CCDC171: variants seen among roughly 807,000 people sequenced by gnomAD.
CCDC171 encodes the protein coiled-coil domain-containing protein 171.
In CCDC171, 177 loss-of-function variants were observed where a neutral mutation model predicts 168.2. The ratio of observed to expected loss-of-function variants is 1.05; its 90% CI spans 0.93 to 1.19. The LOEUF is 1.19. Ranked by LOEUF, CCDC171 falls within the 50% of genes most tolerant of loss-of-function variation. The probability of loss-of-function intolerance (pLI) is 0.00; values close to 1 mark genes in which losing one functional copy is unlikely to be tolerated. For synonymous variants in CCDC171, 687 were observed against 540.8 expected, an observed-to-expected ratio of 1.27 and a Z score of -3.75; for missense variants, 1,991 against 1,539.0, an observed-to-expected ratio of 1.29 and a Z score of -4.91.
chr9:15,761,929 T>A (rs1172406213), intron 18 of CCDC171, among the ~76,000 whole-genome samples: 1 of 152,188 alleles, frequency 6.6e-6, no homozygotes, highest in Non-Finnish European at 1.5e-5. Flanking sequence ...AAATTGAAAT[T>A]TTATTTGCCT....
intron 18 of CCDC171, among the ~76,000 whole-genome samples, chr9:15,759,078 A>T (rs770023627): frequency 6.6e-6 from 1 of 151,966 alleles, no homozygotes; most frequent in Non-Finnish European, 1.5e-5. Flanking sequence ...TTAACATTTG[A>T]ATATGTTCTT....
intron 21 of CCDC171, among the ~76,000 whole-genome samples, chr9:15,842,235 A>G (rs1214049250): frequency 6.6e-6 from 1 of 152,014 alleles, no homozygotes; most frequent in African/African-American, 2.4e-5. Context: ...ACAAAAGAAA[A>G]TCTATAAAAG....
At chr9:15,772,427 A>C (rs2057062543) in intron 18 of CCDC171, among the ~76,000 whole-genome samples, 1 of 151,944 alleles carries the variant, frequency 6.6e-6, no homozygotes, top group Non-Finnish European at 1.5e-5. Flanking sequence ...CAAACATCTT[A>C]CTATAGTGTT....
At chr9:15,918,702 AT>A (rs1374368862) in intron 24 of CCDC171, among the ~76,000 whole-genome samples, 1 of 151,596 alleles carries the variant, frequency 6.6e-6, no homozygotes, top group African/African-American at 2.4e-5. Flanking sequence ...TGGTTAATAA[AT>A]TAACATTTGT....
chr9:15,952,429 G>C (rs773418666), intron 25 of CCDC171, among the ~76,000 whole-genome samples: 6 of 151,982 alleles, frequency 3.9e-5, no homozygotes, highest in Admixed American at 6.6e-5. Flanking sequence ...ACAGAGTCTC[G>C]CTGTGTTTCC....
At chr9:15,571,013 T>C (rs2040180735) in intron 2 of CCDC171, among the ~76,000 whole-genome samples, 1 of 152,196 alleles carries the variant, frequency 6.6e-6, no homozygotes, top group Non-Finnish European at 1.5e-5. Context: ...ATAATTCTCC[T>C]GTTTTCTGCT....
intron 16 of CCDC171, among the ~76,000 whole-genome samples, chr9:15,734,515 G>T (rs1259248913): frequency 2.0e-5 from 3 of 152,068 alleles, no homozygotes; most frequent in African/African-American, 7.2e-5. Context: ...TCCAGCCTGG[G>T]CGAAACTCCA....
intron 23 of CCDC171, among the ~76,000 whole-genome samples, chr9:15,852,687 C>T (rs566291807): frequency 3.6e-4 from 54 of 151,748 alleles, no homozygotes; most frequent in African/African-American, 1.3e-3. Flanking sequence ...CCTCTGTTTT[C>T]TTCTAAGAAT....
intron 1 of CCDC171, among the ~76,000 whole-genome samples, chr9:15,556,532 T>C (rs2038813385): frequency 6.6e-6 from 1 of 152,224 alleles, no homozygotes; most frequent in South Asian, 2.1e-4. Flanking sequence ...GCTGCATAAA[T>C]ATATTCTTTT....
intron 21 of CCDC171, among the ~76,000 whole-genome samples, chr9:15,813,657 G>A (rs573451671): frequency 6.6e-6 from 1 of 151,564 alleles, no homozygotes; most frequent in Non-Finnish European, 1.5e-5. Context: ...TGTTAATATT[G>A]TATATTGTGT....
In CCDC171 at chr9:15,768,117, C is replaced by T. The variant is rs1431467977; in HGVS notation, c.2672-9483C>T. ...TTATTTACCATCTATGTGCTGATGG[C>T]TCCCAAATATTATCTGTAACCTAGA... On this transcript the variant is annotated intron_variant, in intron 18 of 25. Coordinates refer to ENST00000380701, the MANE Select transcript of CCDC171 (RefSeq NM_173550.4). 3.3e-5 allele frequency among the ~76,000 whole-genome samples: 5 copies of T among 150,614 alleles called. No individual in the cohort carries two copies. The East Asian group carries it at 9.9e-4, about 30-fold the overall frequency.
At chr9:16,103,720 G>T in the CCDC171 span, among the ~76,000 whole-genome samples, 1 of 152,164 alleles carries the variant, frequency 6.6e-6, no homozygotes, top group Non-Finnish European at 1.5e-5. Context: ...AAACAGATCC[G>T]AGGTCTCTGC....
intron 21 of CCDC171, among the ~76,000 whole-genome samples, chr9:15,803,226 A>G (rs1343855163): frequency 6.6e-6 from 1 of 152,078 alleles, no homozygotes; most frequent in Non-Finnish European, 1.5e-5. Context: ...TACTCCATTG[A>G]TAGTTTCTTT....
chr9:16,025,117 C>A (rs537920953), intron 6 of CCDC171, among the ~76,000 whole-genome samples: 199 of 152,226 alleles, frequency 1.3e-3, no homozygotes, highest in African/African-American at 4.6e-3. Flanking sequence ...AGGGTATGCC[C>A]CAAATAACTG....
intron 25 of CCDC171, among the ~76,000 whole-genome samples, chr9:15,925,544 G>C (rs957586025): frequency 2.0e-5 from 3 of 151,600 alleles, no homozygotes; most frequent in Non-Finnish European, 4.4e-5. Flanking sequence ...AATGAGCTCA[G>C]ATTTGCATTT....
In CCDC171 at chr9:15,695,222, T is replaced by G. The variant is rs754432033; in HGVS notation, c.1216-13T>G. On this transcript the variant is annotated splice_polypyrimidine_tract_variant and intron_variant, in intron 10 of 25. Coordinates refer to ENST00000380701, the MANE Select transcript of CCDC171 (RefSeq NM_173550.4). ...TACGTGACCTTATGTGTAATTTTTTTCTTAATTAAAAGGCTAAGAAGCACC... is the reference window on the plus strand; with the variant it reads ...TACGTGACCTTATGTGTAATTTTTTGCTTAATTAAAAGGCTAAGAAGCACC... 2.5e-6 allele frequency: 4 copies of G among 1,597,214 alleles called. No homozygotes were observed. Among genetic ancestry groups the G allele is most frequent in the Non-Finnish European group, 3.4e-6 (4 of 1,164,856 alleles).
At chr9:15,626,891 G>C (rs2045174781) in intron 7 of CCDC171, among the ~76,000 whole-genome samples, 1 of 152,172 alleles carries the variant, frequency 6.6e-6, no homozygotes. Flanking sequence ...AGAAGGAATG[G>C]TACCAGCTCC....
At chr9:15,826,603 A>G in intron 21 of CCDC171, among the ~76,000 whole-genome samples, 1 of 152,188 alleles carries the variant, frequency 6.6e-6, no homozygotes, top group Non-Finnish European at 1.5e-5. Context: ...CCTGGGTCAC[A>G]TCGTGAACTA....
In CCDC171 at chr9:15,591,576, G is replaced by A; in HGVS notation, c.543+20G>A. 1 of 1,323,022 alleles carries A rather than the reference G, an allele frequency of 7.6e-7. No individual in the cohort carries two copies. The highest frequency in any genetic ancestry group is 1.1e-6 in the Non-Finnish European group (1 of 948,146). 82.0% of individuals were successfully genotyped at this position (1,323,022 alleles called of 1,614,324 possible). A position where few individuals can be genotyped will look rare whatever the true frequency, so the allele number is the denominator to read the frequency against. ...CTACAGGTAAAATAGTTTTTATAAA[G>A]GAATTTTCCGATATGTAATATTCAC... On this transcript the variant is annotated intron_variant, in intron 5 of 25. Coordinates refer to ENST00000380701, the MANE Select transcript of CCDC171 (RefSeq NM_173550.4).
Sources: gnomAD v4.1 joint callset for allele counts (sites outside exome capture counted in the v4.1 genomes callset) on GRCh38, gnomAD v4.1.1 for gene constraint, MANE v1.5 for transcripts, NCBI Gene and HGNC (gene_info 2026-07-23, HGNC 2026-07-21) for gene names.